The following SEC24A variants were observed in gnomAD, a reference collection of about 807,000 sequenced individuals.
SEC24A encodes the protein protein transport protein Sec24A.
In SEC24A, 93 loss-of-function variants were observed where a neutral mutation model predicts 129.4. That is an observed-to-expected ratio of 0.72 (90% CI 0.61 to 0.85). The LOEUF (loss-of-function observed/expected upper bound fraction) is 0.85. SEC24A is among the 40% of genes least tolerant of loss of function. SEC24A has a pLI of 0.00. For synonymous variants in SEC24A, 460 were observed against 467.3 expected, an observed-to-expected ratio of 0.98 and a Z score of 0.20; for missense variants, 1,264 against 1,307.4, an observed-to-expected ratio of 0.97 and a Z score of 0.51.
chr5:134,652,712 C>T (rs577753753), intron 1 of SEC24A, among the ~76,000 whole-genome samples: 72 of 152,190 alleles, frequency 4.7e-4, no homozygotes, highest in Non-Finnish European at 9.0e-4. Context: ...CTCAGCTTCC[C>T]GAGTAGCTGG....
intron 20 of SEC24A, 70 bp downstream of exon 20, chr5:134,718,243 A>G: frequency 2.9e-6 from 3 of 1,043,874 alleles, no homozygotes; most frequent in Non-Finnish European, 4.5e-6. Flanking sequence ...ATTTGGTTTC[A>G]TTCCCTTTAA....
intron 13 of SEC24A, among the ~76,000 whole-genome samples, chr5:134,694,898 G>A (rs1291045782): frequency 1.3e-5 from 2 of 151,884 alleles, no homozygotes; most frequent in Non-Finnish European, 2.9e-5. Context: ...TGCACCTTGT[G>A]TGCATAAACT....
rs917065915 is a variant in SEC24A, at chr5:134,693,079, A to T, written c.1779+422A>T. ...AGAAACTCTTATTACCTGCCTGGAAATTGCCATGAGATAATACAGTGAGAG... is the reference window on the plus strand; with the variant it reads ...AGAAACTCTTATTACCTGCCTGGAATTTGCCATGAGATAATACAGTGAGAG... On this transcript the variant is annotated intron_variant, in intron 12 of 22. Coordinates refer to ENST00000398844, the MANE Select transcript of SEC24A (RefSeq NM_021982.3). 16 of 1,535,904 alleles carry T rather than the reference A, an allele frequency of 1.0e-5. No homozygotes were observed. In the Admixed American group the frequency reaches 1.6e-4, roughly 15 times the overall value.
rs1414647089 is a variant in SEC24A at position 134,725,423 on chromosome 5, A to G, written c.*329A>G. 2 of 172,550 alleles carry G rather than the reference A, an allele frequency of 1.2e-5. No homozygotes were observed. Among genetic ancestry groups the G allele is most frequent in the African/African-American group, 2.4e-5 (1 of 42,168 alleles). 10.7% of individuals were successfully genotyped at this position (172,550 alleles called of 1,614,324 possible). On this transcript the variant is annotated 3_prime_UTR_variant, in exon 23 of 23. Coordinates refer to ENST00000398844, the MANE Select transcript of SEC24A (RefSeq NM_021982.3). ...TGTAAAATAAAGATTTCTGTGTTCTACATGTATATTTCTCATTTTTAATTT... is the reference window on the plus strand; with the variant it reads ...TGTAAAATAAAGATTTCTGTGTTCTGCATGTATATTTCTCATTTTTAATTT...
intron 16 of SEC24A, among the ~76,000 whole-genome samples, chr5:134,705,106 T>G (rs993965602): frequency 7.1e-6 from 1 of 140,326 alleles, no homozygotes; most frequent in African/African-American, 2.6e-5. Context: ...TTTTTTTTAA[T>G]TAATTTATTT....
intron 2 of SEC24A, among the ~76,000 whole-genome samples, chr5:134,663,462 T>A (rs779039803): frequency 6.6e-6 from 1 of 152,164 alleles, no homozygotes; most frequent in East Asian, 1.9e-4. Flanking sequence ...AGATCTAAAG[T>A]ATAAGACTTG....
intron 1 of SEC24A, among the ~76,000 whole-genome samples, chr5:134,659,540 A>G (rs1405374060): frequency 6.6e-6 from 1 of 152,114 alleles, no homozygotes; most frequent in Non-Finnish European, 1.5e-5. Context: ...CAGAAAAAAA[A>G]ATTTTCATGT....
In SEC24A at chr5:134,671,895, C is replaced by A; in HGVS notation, c.817+9C>A. On this transcript the variant is annotated intron_variant, in intron 4 of 22. Coordinates refer to ENST00000398844, the MANE Select transcript of SEC24A (RefSeq NM_021982.3). ...AGGAGGTGGCTTATTGGGTGAGATG[C>A]TATGAAAGTTTTTTTTTTAATCTCT... is the stretch of plus-strand genomic sequence containing the variant. The A allele has an allele frequency of 6.4e-7, 1 of 1,571,218 alleles. No individual in the cohort carries two copies. The highest frequency in any genetic ancestry group is 8.7e-7 in the Non-Finnish European group (1 of 1,149,660).
intron 4 of SEC24A, among the ~76,000 whole-genome samples, chr5:134,674,215 T>A (rs1750972813): frequency 6.6e-6 from 1 of 152,194 alleles, no homozygotes. Flanking sequence ...ATTTTAAAAA[T>A]TTGATAAATG....
intron 2 of SEC24A, among the ~76,000 whole-genome samples, chr5:134,666,472 T>C (rs1457549838): frequency 6.6e-6 from 1 of 151,920 alleles, no homozygotes; most frequent in Non-Finnish European, 1.5e-5. Flanking sequence ...CAGGGGAAGC[T>C]CTTGAACCCG....
At chr5:134,662,929 T>C (rs1008469842) in intron 2 of SEC24A, among the ~76,000 whole-genome samples, 1 of 152,094 alleles carries the variant, frequency 6.6e-6, no homozygotes, top group Non-Finnish European at 1.5e-5. Flanking sequence ...GCTCTGGCAA[T>C]TGAGGCTGCA....
intron 3 of SEC24A, among the ~76,000 whole-genome samples, chr5:134,667,778 G>C (rs908004100): frequency 6.6e-6 from 1 of 151,284 alleles, no homozygotes; most frequent in African/African-American, 2.4e-5. Context: ...AAAAATACAA[G>C]CTTTTGAAAT....
At chr5:134,661,000 T>C in intron 1 of SEC24A, 119 bp from the exon 2 acceptor site, 1 of 769,900 alleles carries the variant, frequency 1.3e-6, no homozygotes, top group East Asian at 2.5e-5. Flanking sequence ...GTCCTTTGCT[T>C]ATTTTTTAAT....
At chr5:134,705,090 A>ATATATATATATATT (rs1180461537) in intron 16 of SEC24A, among the ~76,000 whole-genome samples, 19 of 123,298 alleles carry the variant, frequency 1.5e-4, no homozygotes, top group African/African-American at 5.4e-4. Context: ...ATATATATAT[A>ATATATATATATATT]TTTTTTTTTT....
chr5:134,723,631 G>A lies in SEC24A; in HGVS notation c.3128G>A (p.Arg1043Lys). Reference sequence around the variant, plus strand: ...ATAATAGCTTTCATCTCTTGGCTTAGAGAGCAGAGACCATTTTTCCCAATA... The same window carrying A: ...ATAATAGCTTTCATCTCTTGGCTTAAAGAGCAGAGACCATTTTTCCCAATA... ...ARIIAFISWL[R>K]EQRPFFPILY... Residue 1043 changes from arginine to lysine, a missense_variant, in exon 22 of 23, where the codon AGA becomes AAA. Arg to Lys is a conservative substitution (Grantham distance 26). Coordinates refer to ENST00000398844, the MANE Select transcript of SEC24A (RefSeq NM_021982.3). 1 of 1,612,328 alleles carries A rather than the reference G, an allele frequency of 6.2e-7. No individual in the cohort carries two copies. The highest frequency in any genetic ancestry group is 1.1e-5 in the South Asian group (1 of 91,020).
In SEC24A at chr5:134,697,929, T is replaced by A. The variant is rs764289997; in HGVS notation, c.2138T>A (p.Val713Asp). ...GCISRYSAGS[V>D]YYYPSYHHQH... Reference sequence around the variant, plus strand: ...ATTTCTCGGTATTCAGCAGGTAGTGTCTATTACTATCCCTCTTACCATCAT... The same window carrying A: ...ATTTCTCGGTATTCAGCAGGTAGTGACTATTACTATCCCTCTTACCATCAT... The change falls in exon 15 of 23, where the codon GTC becomes GAC. Residue 713 changes from valine to aspartate, a missense_variant. Val to Asp is a radical substitution (Grantham distance 152, BLOSUM62 -3). Coordinates refer to ENST00000398844, the MANE Select transcript of SEC24A (RefSeq NM_021982.3). 1.9e-6 allele frequency: 3 copies of A among 1,613,840 alleles called. No individual in the cohort carries two copies. The highest frequency in any genetic ancestry group is 2.5e-6 in the Non-Finnish European group (3 of 1,179,894).
chr5:134,681,167 G>A (rs1168702939), intron 8 of SEC24A, among the ~76,000 whole-genome samples: 1 of 151,604 alleles, frequency 6.6e-6, no homozygotes, highest in African/African-American at 2.4e-5. Flanking sequence ...GGAGGCTGAG[G>A]TGGGTGGATC....
chr5:134,703,615 C>T, intron 15 of SEC24A, 144 bp from the exon 16 acceptor site: 2 of 590,272 alleles, frequency 3.4e-6, no homozygotes, highest in Non-Finnish European at 6.0e-6. Flanking sequence ...TTTCAAAAGC[C>T]ATCTGTTATT....
chr5:134,662,165 A>T (rs570047935), intron 2 of SEC24A, among the ~76,000 whole-genome samples: 4 of 148,402 alleles, frequency 2.7e-5, no homozygotes, highest in Non-Finnish European at 4.5e-5. Context: ...TTATTTATTT[A>T]TTTTTTTGAG....
Sources: allele counts gnomAD v4.1 joint callset (sites outside exome capture counted in the v4.1 genomes callset), GRCh38; gene constraint gnomAD v4.1.1; transcripts MANE v1.5; gene names NCBI Gene and HGNC (gene_info 2026-07-23, HGNC 2026-07-21).